SWT1: variants seen among roughly 807,000 people sequenced by gnomAD.
SWT1 encodes transcriptional protein SWT1.
SWT1 carries 33 observed loss-of-function variants against 107.3 expected under a neutral mutation model. That is an observed-to-expected ratio of 0.31 (90% CI 0.23 to 0.41). SWT1 has a LOEUF of 0.41. SWT1 is among the 10% of genes least tolerant of loss of function. SWT1 has a pLI of 1.00. For synonymous variants in SWT1, 345 were observed against 348.3 expected (o/e 0.99, Z 0.11); for missense variants, 898 against 1,028.9 (o/e 0.87, Z 1.74).
At chr1:185,168,431 G>A (rs1200298153) in intron 4 of SWT1, 33 bp downstream of exon 4, 2 of 1,326,564 alleles carry the variant, frequency 1.5e-6, no homozygotes, top group Non-Finnish European at 2.0e-6. Context: ...TACTGTTTTG[G>A]TTTAGAATTA....
intron 16 of SWT1, among the ~76,000 whole-genome samples, chr1:185,243,487 G>T (rs940319704): frequency 6.6e-6 from 1 of 152,086 alleles, no homozygotes; most frequent in Non-Finnish European, 1.5e-5. Context: ...AGGCCAACCA[G>T]CTGCCAGTAG....
chr1:185,230,744 G>A (rs1316034187), intron 15 of SWT1, among the ~76,000 whole-genome samples: 1 of 151,972 alleles, frequency 6.6e-6, no homozygotes, highest in Admixed American at 6.6e-5. Flanking sequence ...GTGTGTGTGT[G>A]TGTGTGTGTT....
At chr1:185,226,777 GA>G in intron 15 of SWT1, 1 of 840,870 alleles carries the variant, frequency 1.2e-6, no homozygotes, top group Admixed American at 3.1e-5. Flanking sequence ...GTCTTTATCT[GA>G]AAAATCCTTA....
chr1:185,247,096 A>G (rs1169376610), intron 16 of SWT1, among the ~76,000 whole-genome samples: 1 of 152,198 alleles, frequency 6.6e-6, no homozygotes, highest in South Asian at 2.1e-4. Flanking sequence ...GGAATCCCTT[A>G]AACTGTTACC....
chr1:185,276,011 T>A (rs561173137), intron 17 of SWT1, among the ~76,000 whole-genome samples: 7 of 152,270 alleles, frequency 4.6e-5, no homozygotes, highest in Admixed American at 2.0e-4. Context: ...TGTTATCTGA[T>A]CAAAATAATT....
chr1:185,253,709 A>T (rs943992311), intron 16 of SWT1, among the ~76,000 whole-genome samples: 2 of 152,050 alleles, frequency 1.3e-5, no homozygotes, highest in African/African-American at 4.8e-5. Flanking sequence ...TAGATATACA[A>T]TCATGTCATC....
chr1:185,247,549 A>G (rs754640827), intron 16 of SWT1, among the ~76,000 whole-genome samples: 2 of 152,246 alleles, frequency 1.3e-5, no homozygotes, highest in African/African-American at 2.4e-5. Flanking sequence ...TTTATGTATC[A>G]TAAAGATGAA....
chr1:185,271,185 A>T (rs1663830679), intron 16 of SWT1, 138 bp from the exon 17 acceptor site: 4 of 538,858 alleles, frequency 7.4e-6, no homozygotes, highest in South Asian at 2.5e-5. Flanking sequence ...ATTGATTTTT[A>T]AAAATATTAT....
chr1:185,289,082 T>C (rs1236657147), intron 18 of SWT1, among the ~76,000 whole-genome samples: 1 of 152,212 alleles, frequency 6.6e-6, no homozygotes, highest in Non-Finnish European at 1.5e-5. Flanking sequence ...AGGTACATCC[T>C]CTTAATATCC....
At position 185,233,720 on chromosome 1, in the gene SWT1, G is replaced by A. The variant is rs550380760; in HGVS notation, c.2441+2012G>A. 5.3e-5 allele frequency among the ~76,000 whole-genome samples: 8 copies of A among 151,988 alleles called. No individual in the cohort carries two copies. The South Asian group carries it at 1.5e-3, about 28-fold the overall frequency. On this transcript the variant is annotated intron_variant, in intron 16 of 18. Coordinates refer to ENST00000367500, the MANE Select transcript of SWT1 (RefSeq NM_017673.7). ...CATTTGCTGAAGAGTGTTTTACTTCGAATTATGTGGTCAATTTTATTTATT... is the reference window on the plus strand; with the variant it reads ...CATTTGCTGAAGAGTGTTTTACTTCAAATTATGTGGTCAATTTTATTTATT...
At position 185,240,011 on chromosome 1, in the gene SWT1, A is replaced by G. The variant is rs953236744; in HGVS notation, c.2441+8303A>G. Among the ~76,000 whole-genome samples the G allele has an allele frequency of 6.2e-4, 95 of 152,208 alleles. 1 individual carries two copies. Among genetic ancestry groups the G allele is most frequent in the African/African-American group, 2.3e-3 (94 of 41,574 alleles). Reference sequence around the variant, plus strand: ...TTAACTAAACAGGTCATGTAATCCAACTCTGAGGCACACTGTAAATGCGTG... The same window carrying G: ...TTAACTAAACAGGTCATGTAATCCAGCTCTGAGGCACACTGTAAATGCGTG... On this transcript the variant is annotated intron_variant, in intron 16 of 18. Transcript: ENST00000367500.
At chr1:185,251,200 A>G (rs1217647717) in intron 16 of SWT1, 1 of 152,228 alleles carries the variant, frequency 6.6e-6, no homozygotes, top group African/African-American at 2.4e-5. Flanking sequence ...TAAATAAATT[A>G]ATAAACCCAC....
chr1:185,271,888 A>G (rs940799156), intron 17 of SWT1, among the ~76,000 whole-genome samples: 1 of 152,172 alleles, frequency 6.6e-6, no homozygotes, highest in African/African-American at 2.4e-5. Context: ...TTCCCTAAGT[A>G]AAAATATGAG....
intron 5 of SWT1, among the ~76,000 whole-genome samples, chr1:185,175,419 G>T (rs1655460529): frequency 6.6e-6 from 1 of 151,960 alleles, no homozygotes; most frequent in Non-Finnish European, 1.5e-5. Context: ...CAGAGATGAG[G>T]TTTCACCATG....
Position 185,179,768 on chromosome 1 carries a change from AT to A in SWT1, c.967-621del, listed in dbSNP as rs538463392. Among the ~76,000 whole-genome samples the A allele has an allele frequency of 5.1e-3, 781 of 152,332 alleles. 2 individuals carry two copies. Among genetic ancestry groups the A allele is most frequent in the Non-Finnish European group, 7.9e-3 (537 of 68,030 alleles). On this transcript the variant is annotated intron_variant, in intron 5 of 18. Coordinates refer to ENST00000367500, the MANE Select transcript of SWT1 (RefSeq NM_017673.7). ...ATTTTTATGCATCTGTATATGAAGA[AT>A]TCTACCATGTTTCATGACTTGATAA...
At chr1:185,256,397 C>A (rs1182764408) in intron 16 of SWT1, among the ~76,000 whole-genome samples, 1 of 150,458 alleles carries the variant, frequency 6.6e-6, no homozygotes, top group Admixed American at 6.6e-5. Context: ...GTTCCATTCT[C>A]CCCATCACTT....
chr1:185,166,537 CT>C (rs1558005309), intron 2 of SWT1, 34 bp from the exon 3 acceptor site: 7 of 1,405,764 alleles, frequency 5.0e-6, no homozygotes, highest in Non-Finnish European at 7.0e-6. Flanking sequence ...TTATTTTGTG[CT>C]TTTTAAAATT....
intron 10 of SWT1, among the ~76,000 whole-genome samples, chr1:185,201,732 C>G (rs571957916): frequency 6.6e-6 from 1 of 152,268 alleles, no homozygotes; most frequent in South Asian, 2.1e-4. Context: ...AGCACTCTCT[C>G]CCTTAACTTT....
At position 185,208,033 on chromosome 1, in the gene SWT1, A is replaced by T. The variant is rs184444055; in HGVS notation, c.1972+1270A>T. ...TTCATATATTAATTATATCCAGCGTACTTCTGAAGCATAACTCTGATGGCT... is the reference window on the plus strand; with the variant it reads ...TTCATATATTAATTATATCCAGCGTTCTTCTGAAGCATAACTCTGATGGCT... On this transcript the variant is annotated intron_variant, in intron 13 of 18. Transcript: ENST00000367500. Among the ~76,000 whole-genome samples, 18 of 152,278 alleles carry T rather than the reference A, an allele frequency of 1.2e-4. 1 individual carries two copies. Among genetic ancestry groups the T allele is most frequent in the African/African-American group, 4.3e-4 (18 of 41,560 alleles).
Sources: gnomAD v4.1 joint callset for allele counts (sites outside exome capture counted in the v4.1 genomes callset) on GRCh38, gnomAD v4.1.1 for gene constraint, MANE v1.5 for transcripts, NCBI Gene and HGNC (gene_info 2026-07-23, HGNC 2026-07-21) for gene names.